Variants in PPP6R3 observed in about 807,000 individuals in gnomAD.
The protein encoded by PPP6R3 is protein phosphatase 6 regulatory subunit 3.
Under a neutral mutation model 110.7 loss-of-function variants are expected in PPP6R3, and 38 were observed. The ratio of observed to expected loss-of-function variants is 0.34; its 90% confidence interval spans 0.26 to 0.45. PPP6R3 has a LOEUF of 0.45. PPP6R3 is among the 20% of genes least tolerant of loss of function. The pLI, the probability that PPP6R3 is intolerant of heterozygous loss-of-function variation, is 1.00. For missense variants in PPP6R3, 870 were observed against 1,062.4 expected, an observed-to-expected ratio of 0.82 and a Z score of 2.52; for synonymous variants, 369 against 373.5, an observed-to-expected ratio of 0.99 and a Z score of 0.14.
intron 19 of PPP6R3, 26 bp downstream of exon 19, chr11:68,596,244 G>A: frequency 2.5e-6 from 4 of 1,613,952 alleles, no homozygotes; most frequent in Non-Finnish European, 3.4e-6. Flanking sequence ...CTTCAGATCA[G>A]CTGCCCTGTG....
intron 23 of PPP6R3, 137 bp from the exon 24 acceptor site, chr11:68,612,929 T>C (rs888637509): frequency 2.7e-5 from 39 of 1,463,926 alleles, no homozygotes; most frequent in Non-Finnish European, 3.2e-5. Flanking sequence ...CATTTACATA[T>C]CATTTTATTA....
chr11:68,473,113 G>A (rs1036971356), intron 1 of PPP6R3, among the ~76,000 whole-genome samples: 2 of 152,134 alleles, frequency 1.3e-5, no homozygotes, highest in African/African-American at 2.4e-5. Flanking sequence ...TTTTGTATGC[G>A]AATGAGTTGA....
chr11:68,519,323 A>G (rs2099152508), intron 1 of PPP6R3, among the ~76,000 whole-genome samples, 178 bp from the exon 2 acceptor site: 1 of 152,198 alleles, frequency 6.6e-6, no homozygotes, highest in Non-Finnish European at 1.5e-5. Flanking sequence ...TAGAGAGATG[A>G]CAGTGCTTTT....
At chr11:68,519,341 T>C (rs747949398) in intron 1 of PPP6R3, among the ~76,000 whole-genome samples, 160 bp from the exon 2 acceptor site, 16 of 152,248 alleles carry the variant, frequency 1.1e-4, no homozygotes, top group Non-Finnish European at 1.6e-4. Context: ...TTTTTTCTTA[T>C]GTTCATATAG....
intron 8 of PPP6R3, among the ~76,000 whole-genome samples, chr11:68,559,132 T>G (rs966960947): frequency 3.3e-5 from 5 of 152,208 alleles, no homozygotes; most frequent in African/African-American, 1.2e-4. Flanking sequence ...TCAGGTGGTG[T>G]TTTCCTGGGT....
At chr11:68,579,010 T>C (rs184323902) in intron 14 of PPP6R3, among the ~76,000 whole-genome samples, 1,943 of 152,352 alleles carry the variant, frequency 0.013, 24 homozygotes, top group Non-Finnish European at 0.019. Context: ...TTTTTTGCCC[T>C]CTTCCCCAAG....
intron 19 of PPP6R3, among the ~76,000 whole-genome samples, chr11:68,598,945 C>G (rs2099622164): frequency 6.6e-6 from 1 of 152,180 alleles, no homozygotes; most frequent in Non-Finnish European, 1.5e-5. Flanking sequence ...GCATGGAGCG[C>G]ACCCTAATTA....
chr11:68,525,361 T>C (rs2099191184), intron 2 of PPP6R3, among the ~76,000 whole-genome samples: 1 of 152,184 alleles, frequency 6.6e-6, no homozygotes, highest in African/African-American at 2.4e-5. Flanking sequence ...GTGGAATAGC[T>C]AGGAGAGATT....
At chr11:68,546,838 C>T (rs2099351107) in intron 4 of PPP6R3, among the ~76,000 whole-genome samples, 1 of 152,168 alleles carries the variant, frequency 6.6e-6, no homozygotes, top group African/African-American at 2.4e-5. Context: ...TTCCTTTGGG[C>T]TCCAGGTTTG....
chr11:68,462,348 G>GT (rs1265850421), intron 1 of PPP6R3, among the ~76,000 whole-genome samples: 1 of 152,166 alleles, frequency 6.6e-6, no homozygotes, highest in Non-Finnish European at 1.5e-5. Flanking sequence ...TCAGGACAGG[G>GT]TTTTTGACCA....
chr11:68,614,927 G>GCC lies in PPP6R3; in HGVS notation c.*1810_*1811insCC. On this transcript the variant is annotated 3_prime_UTR_variant, in exon 24 of 24. Coordinates refer to ENST00000393800, the MANE Select transcript of PPP6R3 (RefSeq NM_001164161.2). ...GGTGAGTTTTGCCAGCCATGGCCAG[G>GCC]GTTTGGCTCCACTGGTGGCACACGT... 1.4e-6 allele frequency: 1 copy of GCC among 693,526 alleles called. No individual in the cohort carries two copies. 43.0% of individuals were successfully genotyped at this position (693,526 alleles called of 1,614,324 possible).
rs141442140 is a variant in PPP6R3 at position 68,607,685 on chromosome 11, A to C, written c.2451-2219A>C. Among the ~76,000 whole-genome samples the C allele has an allele frequency of 5.0e-4, 76 of 152,242 alleles. 1 individual carries two copies. Among genetic ancestry groups the C allele is most frequent in the Admixed American group, 1.2e-3 (19 of 15,300 alleles). Reference sequence around the variant, plus strand: ...CTTTTTAACCTGTGTGCAGAAAGGGACTTCTGTATCTATCTCATCTGTCTG... The same window carrying C: ...CTTTTTAACCTGTGTGCAGAAAGGGCCTTCTGTATCTATCTCATCTGTCTG... On this transcript the variant is annotated intron_variant, in intron 22 of 23. Coordinates refer to ENST00000393800, the MANE Select transcript of PPP6R3 (RefSeq NM_001164161.2).
chr11:68,533,705 A>AG (rs1491124890), intron 2 of PPP6R3, among the ~76,000 whole-genome samples: 11 of 7,278 alleles, frequency 1.5e-3, no homozygotes, highest in African/African-American at 2.7e-3. Context: ...ACCTTGTCTC[A>AG]AAAAAAAAAA....
intron 1 of PPP6R3, among the ~76,000 whole-genome samples, chr11:68,466,585 C>T (rs1179658541): frequency 6.6e-6 from 1 of 151,728 alleles, no homozygotes; most frequent in Non-Finnish European, 1.5e-5. Flanking sequence ...ACTACAGGGG[C>T]CGGCCACCAT....
chr11:68,538,917 C>T (rs142426835), intron 3 of PPP6R3, among the ~76,000 whole-genome samples: 10 of 152,268 alleles, frequency 6.6e-5, no homozygotes, highest in East Asian at 1.9e-4. Flanking sequence ...GTCAGTAGTT[C>T]GAGACCAACC....
intron 1 of PPP6R3, among the ~76,000 whole-genome samples, chr11:68,472,604 C>G (rs1211875178): frequency 6.6e-6 from 1 of 151,150 alleles, no homozygotes; most frequent in Non-Finnish European, 1.5e-5. Flanking sequence ...TGGATGTAAA[C>G]TTATATCTCG....
rs752192400 is a variant in PPP6R3, at chr11:68,613,614, A to G, written c.*497A>G. ...AGAATGAAAATGCCCTCTAAGTGTT[A>G]TTTTGGTTGTTCTAACTTACAAAAG... On this transcript the variant is annotated 3_prime_UTR_variant, in exon 24 of 24. Transcript: ENST00000393800. The G allele has an allele frequency of 5.1e-6, 5 of 985,866 alleles. No individual in the cohort carries two copies. The highest frequency in any genetic ancestry group is 6.0e-6 in the Non-Finnish European group (5 of 830,012). 61.1% of individuals were successfully genotyped at this position (985,866 alleles called of 1,614,324 possible).
intron 19 of PPP6R3, among the ~76,000 whole-genome samples, chr11:68,599,006 A>G (rs1347386355): frequency 6.6e-6 from 1 of 152,222 alleles, no homozygotes; most frequent in East Asian, 1.9e-4. Flanking sequence ...GTGAATAGTC[A>G]TTATGAAATC....
Position 68,613,338 on chromosome 11 carries a change from TTATATTG to T in PPP6R3, c.*225_*231del. ...AAATACCAAGAATTTTTGCGTATGT[TTATATTG>T]TATTGTTCTAAATAATGGGTAGCCT... On this transcript the variant is annotated 3_prime_UTR_variant, in exon 24 of 24. Transcript: ENST00000393800. 7.5e-7 allele frequency: 1 copy of T among 1,326,044 alleles called. No homozygotes were observed. Among genetic ancestry groups the T allele is most frequent in the Non-Finnish European group, 9.6e-7 (1 of 1,039,710 alleles). 82.1% of individuals were successfully genotyped at this position (1,326,044 alleles called of 1,614,324 possible). A position where few individuals can be genotyped will look rare whatever the true frequency, so the allele number is the denominator to read the frequency against.
Sources: gnomAD v4.1 joint callset for allele counts (sites outside exome capture counted in the v4.1 genomes callset) on GRCh38, gnomAD v4.1.1 for gene constraint, MANE v1.5 for transcripts, NCBI Gene and HGNC (gene_info 2026-07-23, HGNC 2026-07-21) for gene names.